Variants in CCDC141 observed in about 807,000 individuals in gnomAD.
CCDC141 encodes coiled-coil domain containing 141, also known as coiled-coil domain-containing protein 141.
Under a neutral mutation model 181.0 loss-of-function variants are expected in CCDC141, and 168 were observed. The observed-to-expected ratio is 0.93, with a 90% CI of 0.82 to 1.05. CCDC141 has a LOEUF of 1.05. Ranked by LOEUF, CCDC141 falls within the 50% of genes least tolerant of loss-of-function variation. CCDC141 has a pLI of 0.00. For synonymous variants in CCDC141, 666 were observed against 642.3 expected (o/e 1.04, Z -0.56); for missense variants, 1,902 against 1,788.5 (o/e 1.06, Z -1.14).
rs764926757 is a variant in CCDC141 at position 178,853,470 on chromosome 2, T to A, written c.3215A>T (p.Glu1072Val). 86 of 1,614,022 alleles carry A rather than the reference T, an allele frequency of 5.3e-5. No homozygotes were observed. The highest frequency in any genetic ancestry group is 7.2e-5 in the Non-Finnish European group (85 of 1,179,998). Residue 1072 changes from glutamate (E) to valine (V), a missense_variant, in exon 20 of 24, where the codon GAG (glutamate) becomes GTG (valine). Transcript: ENST00000443758. Reference protein sequence around the residue: ...SVPQQEERIQEATDLAQHLYG... With the variant: ...SVPQQEERIQVATDLAQHLYG... ...TAAGTGCTGAGCAAGGTCAGTGGCC[T>A]CCTGAATCCTTTCTTCTTGCTGCGG...
intron 2 of CCDC141, chr2:179,002,527 A>C (rs1193489119): frequency 5.2e-6 from 2 of 388,104 alleles, no homozygotes; most frequent in Non-Finnish European, 5.1e-6. Flanking sequence ...ATATGTGGTA[A>C]GAAAGGCCTT....
intron 2 of CCDC141, among the ~76,000 whole-genome samples, chr2:179,046,189 C>A (rs547468666): frequency 1.3e-5 from 2 of 152,306 alleles, no homozygotes; most frequent in African/African-American, 2.4e-5. Flanking sequence ...TCTCTTTGAA[C>A]CTCTTTGATC....
At chr2:178,858,612 A>T (rs1279731388) in intron 17 of CCDC141, among the ~76,000 whole-genome samples, 6 of 152,192 alleles carry the variant, frequency 3.9e-5, no homozygotes, top group Admixed American at 1.3e-4. Context: ...CTATACACTT[A>T]AAACAGTTAA....
chr2:178,850,183 C>G, intron 20 of CCDC141, 22 bp from the exon 21 acceptor site: 1 of 1,380,332 alleles, frequency 7.2e-7, no homozygotes, highest in Non-Finnish European at 1.0e-6. Context: ...AAGGATGAAA[C>G]TAGTTTTAAA....
intron 21 of CCDC141, among the ~76,000 whole-genome samples, chr2:178,848,315 A>T (rs1355575441): frequency 6.6e-6 from 1 of 152,226 alleles, no homozygotes; most frequent in Non-Finnish European, 1.5e-5. Flanking sequence ...CAGCTTCAGA[A>T]CATTGAAAGG....
intron 14 of CCDC141, among the ~76,000 whole-genome samples, chr2:178,870,960 A>G (rs1465419190): frequency 6.6e-6 from 1 of 152,062 alleles, no homozygotes; most frequent in Non-Finnish European, 1.5e-5. Context: ...GGGCACAGCA[A>G]AATTCCTGGG....
In CCDC141 at chr2:178,858,695, C is replaced by T. The variant is rs13392118; in HGVS notation, c.2725-2298G>A. Among the ~76,000 whole-genome samples the T allele has an allele frequency of 3.1e-3, 470 of 152,064 alleles. 3 individuals are homozygous for T. Among genetic ancestry groups the T allele is most frequent in the African/African-American group, 0.011 (439 of 41,514 alleles). ...GGGAAAAAATGCCCTGTCACTAACA[C>T]TTATCCATTGGAAAATAAACTTATA... On this transcript the variant is annotated intron_variant, in intron 17 of 23. Transcript: ENST00000443758.
chr2:178,873,561 A>G (rs1211119952), intron 12 of CCDC141: 3 of 152,228 alleles, frequency 2.0e-5, no homozygotes, highest in African/African-American at 7.2e-5. Context: ...GCCAATGACA[A>G]CTTTAATCAG....
At chr2:178,854,229 T>C (rs1685286140) in intron 19 of CCDC141, among the ~76,000 whole-genome samples, 1 of 152,194 alleles carries the variant, frequency 6.6e-6, no homozygotes. Context: ...CAGTTTCTCA[T>C]TAAAAATAAC....
intron 6 of CCDC141, among the ~76,000 whole-genome samples, chr2:178,925,828 C>T (rs1688888309): frequency 6.6e-6 from 1 of 152,036 alleles, no homozygotes; most frequent in Non-Finnish European, 1.5e-5. Flanking sequence ...TCTTAATGTT[C>T]TCGGAGGACT....
At chr2:178,902,389 T>C (rs564409683) in intron 8 of CCDC141, among the ~76,000 whole-genome samples, 1 of 152,286 alleles carries the variant, frequency 6.6e-6, no homozygotes, top group South Asian at 2.1e-4. Flanking sequence ...AACAGCATTT[T>C]ACTGGTACCA....
chr2:178,943,441 GAA>G (rs1283743244), intron 6 of CCDC141, among the ~76,000 whole-genome samples: 3 of 152,066 alleles, frequency 2.0e-5, no homozygotes, highest in African/African-American at 7.2e-5. Context: ...TGATCCCCAT[GAA>G]AAGATTTAAG....
chr2:178,875,538 C>G (rs1367014176), intron 12 of CCDC141: 2 of 151,518 alleles, frequency 1.3e-5, no homozygotes, highest in African/African-American at 4.9e-5. Context: ...GCACTCCAGT[C>G]TGGGTGACAG....
At chr2:179,027,696 GCTCT>G (rs959798665) in intron 2 of CCDC141, among the ~76,000 whole-genome samples, 5 of 130,176 alleles carry the variant, frequency 3.8e-5, no homozygotes, top group African/African-American at 9.1e-5. Context: ...CCCTGCACAA[GCTCT>G]CTCTCTGTCT....
chr2:178,824,229 C>T, the CCDC141 span, among the ~76,000 whole-genome samples: 1 of 152,116 alleles, frequency 6.6e-6, no homozygotes, highest in African/African-American at 2.4e-5. Context: ...ATAGGCTTTT[C>T]TAATTCTGAG....
intron 2 of CCDC141, among the ~76,000 whole-genome samples, chr2:179,044,575 C>G (rs1470497818): frequency 6.6e-6 from 1 of 152,150 alleles, no homozygotes; most frequent in Non-Finnish European, 1.5e-5. Flanking sequence ...ACAAGAGTTC[C>G]AAACTGATGT....
intron 8 of CCDC141, among the ~76,000 whole-genome samples, chr2:178,898,002 G>T (rs577853556): frequency 6.6e-6 from 1 of 152,200 alleles, no homozygotes; most frequent in African/African-American, 2.4e-5. Flanking sequence ...GGAAGCCAGG[G>T]GCTTTCAACC....
intron 1 of CCDC141, 124 bp from the exon 2 acceptor site, chr2:179,047,530 A>AT (rs1011202241): frequency 4.2e-5 from 35 of 832,060 alleles, no homozygotes; most frequent in African/African-American, 1.8e-4. Context: ...TCTATTTTCT[A>AT]TTTTTTTCCA....
intron 17 of CCDC141, among the ~76,000 whole-genome samples, chr2:178,860,240 A>G (rs1485958454): frequency 6.6e-6 from 1 of 152,122 alleles, no homozygotes; most frequent in Non-Finnish European, 1.5e-5. Flanking sequence ...AGAGACCCAA[A>G]AGTTCAAAAT....
Sources: gnomAD v4.1 joint callset for allele counts (sites outside exome capture counted in the v4.1 genomes callset) on GRCh38, gnomAD v4.1.1 for gene constraint, MANE v1.5 for transcripts, NCBI Gene and HGNC (gene_info 2026-07-23, HGNC 2026-07-21) for gene names.